CNTNAP5: variants seen among roughly 807,000 people sequenced by gnomAD.
CNTNAP5 encodes contactin associated protein family member 5, also known as contactin-associated protein-like 5.
In CNTNAP5, 72 loss-of-function variants were observed where a neutral mutation model predicts 150.2. The ratio of observed to expected loss-of-function variants is 0.48; its 90% CI spans 0.40 to 0.58. CNTNAP5 has a LOEUF of 0.58. Among genes scored for constraint, CNTNAP5 ranks in the 20% least tolerant of loss-of-function variants. The pLI is 0.00. For synonymous variants in CNTNAP5, 672 were observed against 619.8 expected (o/e 1.08, Z -1.25); for missense variants, 1,636 against 1,626.2 (o/e 1.01, Z -0.10).
At chr2:124,176,350 G>T (rs1030340771) in intron 1 of CNTNAP5, among the ~76,000 whole-genome samples, 74 of 152,180 alleles carry the variant, frequency 4.9e-4, no homozygotes, top group African/African-American at 1.8e-3. Flanking sequence ...ATGAAAGATT[G>T]TCAAAGTAGG....
intron 1 of CNTNAP5, among the ~76,000 whole-genome samples, chr2:124,193,527 A>C (rs974946542): frequency 6.6e-6 from 1 of 152,206 alleles, no homozygotes; most frequent in African/African-American, 2.4e-5. Flanking sequence ...TTTTAAGATT[A>C]ACGTAAAATG....
intron 11 of CNTNAP5, among the ~76,000 whole-genome samples, chr2:124,577,066 C>T (rs373617531): frequency 6.6e-6 from 1 of 152,140 alleles, no homozygotes; most frequent in African/African-American, 2.4e-5. Flanking sequence ...CTGTAGTTCT[C>T]CAGTAGCTAT....
chr2:124,164,851 G>T (rs1239340291), intron 1 of CNTNAP5, among the ~76,000 whole-genome samples: 1 of 151,978 alleles, frequency 6.6e-6, no homozygotes, highest in Non-Finnish European at 1.5e-5. Flanking sequence ...GTAGATCTCA[G>T]CTGGGGAAGG....
intron 14 of CNTNAP5, among the ~76,000 whole-genome samples, chr2:124,753,468 A>G (rs767599658): frequency 1.6e-4 from 25 of 152,322 alleles, no homozygotes; most frequent in Middle Eastern, 3.4e-3. Context: ...CTTGTTAGCC[A>G]TTACTCCTGT....
intron 3 of CNTNAP5, among the ~76,000 whole-genome samples, chr2:124,285,572 G>T: frequency 6.6e-6 from 1 of 152,014 alleles, no homozygotes; most frequent in East Asian, 1.9e-4. Flanking sequence ...AGCCGAAGAG[G>T]TTGGCTAGCT....
At chr2:124,335,231 C>T (rs575433782) in intron 3 of CNTNAP5, among the ~76,000 whole-genome samples, 21 of 152,122 alleles carry the variant, frequency 1.4e-4, no homozygotes, top group African/African-American at 4.6e-4. Context: ...ACCAGGCAAC[C>T]GAAGTTGAAA....
intron 19 of CNTNAP5, among the ~76,000 whole-genome samples, chr2:124,861,620 T>C (rs1165863785): frequency 6.6e-6 from 1 of 151,488 alleles, no homozygotes; most frequent in East Asian, 1.9e-4. Context: ...ATAAAAATAA[T>C]GATGATGATT....
intron 1 of CNTNAP5, among the ~76,000 whole-genome samples, chr2:124,186,408 T>G (rs140629567): frequency 1.1e-3 from 166 of 152,318 alleles, no homozygotes; most frequent in African/African-American, 3.8e-3. Flanking sequence ...TCTAAATAAA[T>G]GCTTATGAAA....
At chr2:124,079,715 GCGTGTGTATGTATA>G (rs1682517925) in intron 1 of CNTNAP5, among the ~76,000 whole-genome samples, 1 of 152,162 alleles carries the variant, frequency 6.6e-6, no homozygotes, top group South Asian at 2.1e-4. Context: ...GTATGAGCAT[GCGTGTGTATGTATA>G]CGTGTGTGTG....
chr2:124,182,323 C>G (rs1179307342), intron 1 of CNTNAP5, among the ~76,000 whole-genome samples: 1 of 152,124 alleles, frequency 6.6e-6, no homozygotes, highest in South Asian at 2.1e-4. Context: ...CACAGGCACT[C>G]CTCCTTAAAT....
chr2:124,308,741 TA>T (rs1346339738), intron 3 of CNTNAP5, among the ~76,000 whole-genome samples: 2 of 152,172 alleles, frequency 1.3e-5, no homozygotes, highest in African/African-American at 2.4e-5. Context: ...TAAATAAATA[TA>T]AAAGCACTAA....
At chr2:124,200,086 G>A (rs1685689405) in intron 1 of CNTNAP5, among the ~76,000 whole-genome samples, 1 of 152,120 alleles carries the variant, frequency 6.6e-6, no homozygotes, top group Non-Finnish European at 1.5e-5. Flanking sequence ...TCATCAATAA[G>A]GGGAATGTTT....
At chr2:124,282,523 C>T (rs1573889123) in intron 3 of CNTNAP5, among the ~76,000 whole-genome samples, 1 of 152,226 alleles carries the variant, frequency 6.6e-6, no homozygotes, top group South Asian at 2.1e-4. Context: ...CACCAAGCAC[C>T]TCTCTGTAAT....
intron 3 of CNTNAP5, among the ~76,000 whole-genome samples, chr2:124,333,771 G>A (rs1689406435): frequency 6.6e-6 from 1 of 152,124 alleles, no homozygotes; most frequent in Non-Finnish European, 1.5e-5. Context: ...GGCTTCTGGG[G>A]CCTAATACTT....
intron 3 of CNTNAP5, among the ~76,000 whole-genome samples, chr2:124,319,395 A>T (rs1365552033): frequency 6.6e-6 from 1 of 152,206 alleles, no homozygotes; most frequent in African/African-American, 2.4e-5. Flanking sequence ...ACTATTTTGT[A>T]TCAGGATTCT....
At chr2:124,237,521 G>C (rs560469581) in intron 2 of CNTNAP5, among the ~76,000 whole-genome samples, 1 of 152,144 alleles carries the variant, frequency 6.6e-6, no homozygotes, top group South Asian at 2.1e-4. Context: ...ATCTGGTTTT[G>C]TTTTGTTTTG....
chr2:124,486,033 T>C (rs1181321337), intron 7 of CNTNAP5, among the ~76,000 whole-genome samples: 3 of 151,990 alleles, frequency 2.0e-5, no homozygotes, highest in Non-Finnish European at 4.4e-5. Context: ...CAATGCACAA[T>C]TGAAAAAATA....
chr2:124,670,776 C>A (rs1678808091), intron 13 of CNTNAP5, among the ~76,000 whole-genome samples: 1 of 152,184 alleles, frequency 6.6e-6, no homozygotes. Context: ...TTTCAAAATT[C>A]CGTATAAATA....
intron 1 of CNTNAP5, among the ~76,000 whole-genome samples, chr2:124,202,520 C>T (rs1163199869): frequency 6.6e-6 from 1 of 152,164 alleles, no homozygotes; most frequent in Non-Finnish European, 1.5e-5. Context: ...GGGCCAACTT[C>T]AGGAGTGAAG....
Sources: allele counts gnomAD v4.1 joint callset (sites outside exome capture counted in the v4.1 genomes callset), GRCh38; gene constraint gnomAD v4.1.1; transcripts MANE v1.5; gene names NCBI Gene and HGNC (gene_info 2026-07-23, HGNC 2026-07-21).